GPC5: variants seen among roughly 807,000 people sequenced by gnomAD.
The protein encoded by GPC5 is glypican 5.
A neutral mutation model predicts 53.9 loss-of-function variants in GPC5; 47 were observed. The observed-to-expected ratio is 0.87, with a 90% CI of 0.69 to 1.11. The LOEUF is 1.11. Ranked by LOEUF, GPC5 falls within the 50% of genes most tolerant of loss-of-function variation. The pLI is 0.00. For synonymous variants in GPC5, 286 were observed against 263.3 expected (o/e 1.09, Z -0.84); for missense variants, 748 against 713.1 (o/e 1.05, Z -0.56).
intron 7 of GPC5, among the ~76,000 whole-genome samples, chr13:92,837,643 G>A (rs1878262404): frequency 6.6e-6 from 1 of 152,102 alleles, no homozygotes; most frequent in Admixed American, 6.5e-5. Context: ...TAAGCAGAAA[G>A]CCTGCGAAAA....
chr13:91,444,272 A>G lies in GPC5; in HGVS notation c.164-4489A>G, dbSNP rs9583931. On this transcript the variant is annotated intron_variant, in intron 1 of 7. Coordinates refer to ENST00000377067, the MANE Select transcript of GPC5 (RefSeq NM_004466.6). ...CATATCTGAGTTTTAAAATTCTGAC[A>G]TATGTTGTTCTTTCATGTTTTGTGT... Among the ~76,000 whole-genome samples, 1,128 of 152,158 alleles carry G rather than the reference A, an allele frequency of 7.4e-3. 20 individuals are homozygous for G. The South Asian group carries it at 0.079, about 11-fold the overall frequency.
chr13:92,153,780 G>A (rs1045763518), intron 7 of GPC5, among the ~76,000 whole-genome samples: 7 of 152,032 alleles, frequency 4.6e-5, no homozygotes, highest in African/African-American at 9.7e-5. Context: ...TTTTCTTCAC[G>A]TTCACTGATT....
intron 7 of GPC5, among the ~76,000 whole-genome samples, chr13:92,508,014 A>T (rs1357884042): frequency 2.0e-5 from 3 of 152,088 alleles, no homozygotes; most frequent in African/African-American, 7.2e-5. Context: ...GCCAGGCTGG[A>T]GTGCAGTGGC....
At chr13:91,988,695 T>G (rs2040430576) in intron 6 of GPC5, among the ~76,000 whole-genome samples, 1 of 152,196 alleles carries the variant, frequency 6.6e-6, no homozygotes, top group Non-Finnish European at 1.5e-5. Flanking sequence ...ATTTGTATTA[T>G]GGGGAAATAA....
chr13:91,924,183 T>C (rs1032067704), intron 6 of GPC5, among the ~76,000 whole-genome samples: 5 of 152,286 alleles, frequency 3.3e-5, no homozygotes, highest in Admixed American at 3.3e-4. Context: ...TTCTTAAAAA[T>C]AAGTGAAACA....
chr13:91,707,896 A>T (rs1428456586), intron 3 of GPC5, among the ~76,000 whole-genome samples: 1 of 152,226 alleles, frequency 6.6e-6, no homozygotes, highest in Non-Finnish European at 1.5e-5. Context: ...AAAAACTGGA[A>T]ACAGTCTAAA....
intron 7 of GPC5, among the ~76,000 whole-genome samples, chr13:92,256,265 A>C (rs1210430513): frequency 2.0e-5 from 3 of 152,128 alleles, no homozygotes; most frequent in South Asian, 2.1e-4. Context: ...AATGTCCACG[A>C]ATATGGGACT....
intron 5 of GPC5, among the ~76,000 whole-genome samples, chr13:91,821,613 T>C (rs116882616): frequency 9.2e-5 from 14 of 152,330 alleles, no homozygotes; most frequent in Non-Finnish European, 1.8e-4. Context: ...GGTTTCCCTC[T>C]ATTTTTAGTT....
At chr13:91,724,882 CA>C (rs1473373548) in intron 3 of GPC5, among the ~76,000 whole-genome samples, 1 of 151,990 alleles carries the variant, frequency 6.6e-6, no homozygotes, top group Non-Finnish European at 1.5e-5. Flanking sequence ...AAAACAAAAA[CA>C]AAAAGAAAGA....
intron 7 of GPC5, among the ~76,000 whole-genome samples, chr13:92,440,939 G>C (rs1877528187): frequency 1.3e-5 from 2 of 152,134 alleles, no homozygotes; most frequent in East Asian, 1.9e-4. Flanking sequence ...GCTCCTTATA[G>C]ATTCTGGATA....
intron 5 of GPC5, among the ~76,000 whole-genome samples, chr13:91,892,156 A>C (rs2039393478): frequency 6.6e-6 from 1 of 152,016 alleles, no homozygotes; most frequent in East Asian, 1.9e-4. Context: ...ATGACTGGTG[A>C]CATATTACAT....
At chr13:91,623,259 G>A (rs1023076259) in intron 2 of GPC5, among the ~76,000 whole-genome samples, 1 of 152,150 alleles carries the variant, frequency 6.6e-6, no homozygotes, top group Non-Finnish European at 1.5e-5. Flanking sequence ...AGCAAAATAT[G>A]CGAGTTGTGT....
At chr13:92,389,399 A>G (rs1874894776) in intron 7 of GPC5, among the ~76,000 whole-genome samples, 1 of 152,018 alleles carries the variant, frequency 6.6e-6, no homozygotes. Flanking sequence ...TGCTGGAGAG[A>G]CTGGGGAGGC....
intron 2 of GPC5, among the ~76,000 whole-genome samples, chr13:91,450,864 T>A (rs917258592): frequency 6.6e-6 from 1 of 152,186 alleles, no homozygotes; most frequent in African/African-American, 2.4e-5. Flanking sequence ...GAAATTTGCC[T>A]AAAGGCTAAC....
chr13:91,848,077 A>G (rs2038872531), intron 5 of GPC5, among the ~76,000 whole-genome samples: 1 of 152,212 alleles, frequency 6.6e-6, no homozygotes, highest in Non-Finnish European at 1.5e-5. Flanking sequence ...ACAGTGATGG[A>G]ATGGGCTGCT....
At chr13:91,482,908 T>C (rs1366285583) in intron 2 of GPC5, among the ~76,000 whole-genome samples, 1 of 151,696 alleles carries the variant, frequency 6.6e-6, no homozygotes, top group East Asian at 1.9e-4. Context: ...GCTCTATAAA[T>C]TTACTTCTGT....
chr13:92,221,588 C>T (rs1303973669), intron 7 of GPC5, among the ~76,000 whole-genome samples: 1 of 152,152 alleles, frequency 6.6e-6, no homozygotes, highest in African/African-American at 2.4e-5. Flanking sequence ...CTCCCACTGG[C>T]ATAGGCATTT....
intron 7 of GPC5, among the ~76,000 whole-genome samples, chr13:92,458,752 C>T (rs538707157): frequency 3.9e-5 from 6 of 152,122 alleles, no homozygotes; most frequent in African/African-American, 1.4e-4. Flanking sequence ...AATATATGGG[C>T]TACAGATGAA....
intron 6 of GPC5, among the ~76,000 whole-genome samples, chr13:92,004,387 A>T (rs1446421395): frequency 6.8e-6 from 1 of 147,242 alleles, no homozygotes; most frequent in Non-Finnish European, 1.5e-5. Context: ...GGAGGTTGCA[A>T]TGAGCTGAGA....
Sources: gnomAD v4.1 joint callset for allele counts (sites outside exome capture counted in the v4.1 genomes callset) on GRCh38, gnomAD v4.1.1 for gene constraint, MANE v1.5 for transcripts, NCBI Gene and HGNC (gene_info 2026-07-23, HGNC 2026-07-21) for gene names.